The following NFX1 variants were observed in gnomAD, a reference collection of about 807,000 sequenced individuals.
NFX1 encodes nuclear transcription factor, X-box binding 1, also known as transcriptional repressor NF-X1.
In NFX1, 69 loss-of-function variants were observed where a neutral mutation model predicts 137.2. The observed-to-expected ratio is 0.50, with a 90% confidence interval of 0.41 to 0.61. The LOEUF (loss-of-function observed/expected upper bound fraction) is 0.61. NFX1 is among the 20% of genes least tolerant of loss of function. NFX1 has a pLI of 0.00. For missense variants in NFX1, 1,167 were observed against 1,391.0 expected, an observed-to-expected ratio of 0.84 and a Z score of 2.56; for synonymous variants, 495 against 474.1, an observed-to-expected ratio of 1.04 and a Z score of -0.57.
intron 15 of NFX1, chr9:33,347,651 C>T (rs376586763): frequency 1.0e-5 from 4 of 383,224 alleles, no homozygotes; most frequent in Admixed American, 3.1e-5. Flanking sequence ...GTAGATTTAC[C>T]GTTTGATCCA....
chr9:33,294,969 G>T lies in NFX1; in HGVS notation c.575G>T (p.Trp192Leu). 1 of 1,614,142 alleles carries T rather than the reference G, an allele frequency of 6.2e-7. No homozygotes were observed. Among genetic ancestry groups the T allele is most frequent in the African/African-American group, 1.3e-5 (1 of 75,008 alleles). ...PKVKGKLKCE[W>L]SNRTTPKPED... ...GTCAAGGGGAAACTCAAATGTGAAT[G>T]GAGTAACCGAACAACTCCAAAACCG... Residue 192 changes from tryptophan (W) to leucine (L), a missense_variant, in exon 2 of 24, where the codon TGG becomes TTG. By Grantham distance (61) the Trp-to-Leu change is moderately conservative. Coordinates refer to ENST00000379540, the MANE Select transcript of NFX1 (RefSeq NM_002504.6).
chr9:33,366,559 G>T, intron 21 of NFX1, 70 bp from the exon 22 acceptor site: 2 of 1,565,742 alleles, frequency 1.3e-6, no homozygotes, highest in East Asian at 2.2e-5. Flanking sequence ...TTCTTGTGTG[G>T]TAAGATTAGT....
intron 7 of NFX1, among the ~76,000 whole-genome samples, chr9:33,318,001 A>AAAAAT (rs397765712): frequency 1.3e-5 from 2 of 149,658 alleles, no homozygotes; most frequent in African/African-American, 4.9e-5. Context: ...AAAAAAAAAA[A>AAAAAT]TCTTCATTAT....
chr9:33,354,120 G>C lies in NFX1; in HGVS notation c.2764G>C (p.Asp922His). Reference sequence around the variant, plus strand: ...AATCTCCATGGCCTCTAAGATAACAGACATGCAGCTTGGAGGTTCAGTGGA... The same window carrying C: ...AATCTCCATGGCCTCTAAGATAACACACATGCAGCTTGGAGGTTCAGTGGA... The part of the protein sequence containing the change: ...AAISMASKIT[D>H]MQLGGSVEIS... Residue 922 changes from aspartate (D) to histidine (H), a missense_variant, in exon 18 of 24, where the codon GAC becomes CAC. By Grantham distance (81) the Asp-to-His change is moderately conservative. This residue lies in a region of NFX1 where 312 missense variants were observed against 312.8 expected (regional missense o/e 1.00). Transcript: ENST00000379540. 2 of 1,613,110 alleles carry C rather than the reference G, an allele frequency of 1.2e-6. No homozygotes were observed. Among genetic ancestry groups the C allele is most frequent in the African/African-American group, 1.3e-5 (1 of 74,932 alleles).
intron 16 of NFX1, 66 bp from the exon 17 acceptor site, chr9:33,352,580 G>A: frequency 7.3e-7 from 1 of 1,376,956 alleles, no homozygotes. Context: ...GGATTTAAGA[G>A]TGAAAAGTGC....
chr9:33,344,113 C>A lies in NFX1; in HGVS notation c.2269C>A (p.Pro757Thr). 6.2e-7 allele frequency: 1 copy of A among 1,614,014 alleles called. No homozygotes were observed. The highest frequency in any genetic ancestry group is 8.5e-7 in the Non-Finnish European group (1 of 1,179,966). Residue 757 changes from proline to threonine, a missense_variant, in exon 14 of 24, where the codon CCT (proline) becomes ACT (threonine). Physicochemically the swap from Pro to Thr is conservative, Grantham distance 38 (BLOSUM62 -1). Coordinates refer to ENST00000379540, the MANE Select transcript of NFX1 (RefSeq NM_002504.6). The part of the protein sequence containing the change: ...TCHCGASVIY[P>T]PVPCGTRPPE... ...CCATTGTGGTGCATCAGTGATTTACCCTCCAGTTCCCTGTGGTACTAGGCC... is the reference window on the plus strand; with the variant it reads ...CCATTGTGGTGCATCAGTGATTTACACTCCAGTTCCCTGTGGTACTAGGCC...
intron 2 of NFX1, among the ~76,000 whole-genome samples, chr9:33,299,860 A>C (rs776107583): frequency 6.6e-6 from 1 of 152,070 alleles, no homozygotes; most frequent in Non-Finnish European, 1.5e-5. Context: ...GGTGTTCTCT[A>C]TTTCTTTTGA....
At chr9:33,331,694 CTT>C (rs35980358) in intron 10 of NFX1, among the ~76,000 whole-genome samples, 5 of 132,792 alleles carry the variant, frequency 3.8e-5, no homozygotes, top group Admixed American at 7.6e-5. Flanking sequence ...TCAGTAGCTG[CTT>C]TTTTTTTTTT....
At chr9:33,353,934 C>T (rs1347066016) in intron 17 of NFX1, 152 bp from the exon 18 acceptor site, 5 of 598,138 alleles carry the variant, frequency 8.4e-6, no homozygotes, top group African/African-American at 1.9e-5. Context: ...AGGTGATCCA[C>T]CTGCCTTGGT....
Position 33,344,062 on chromosome 9 carries a change from C to CGGTG in NFX1, c.2225-7_2225-6insGGTG. ...GGATTCTTTTGTTTTACCTGCTGCT[C>CGGTG]CACCAGGTTTTGATGAATTAACCTG... On this transcript the variant is annotated splice_polypyrimidine_tract_variant and splice_region_variant and intron_variant, in intron 13 of 23. Transcript: ENST00000379540. The CGGTG allele has an allele frequency of 6.2e-7, 1 of 1,613,814 alleles. No individual in the cohort carries two copies.
rs1316774433 is a variant in NFX1, at chr9:33,318,892, A to T, written c.1689-18A>T. On this transcript the variant is annotated intron_variant, in intron 8 of 23. Transcript: ENST00000379540. ...GCACTTTATGCAACAATTATGTAAT[A>T]GTGTGTTTTCTTAACAGGGACTTGA... The T allele has an allele frequency of 6.2e-7, 1 of 1,614,204 alleles. No homozygotes were observed. The highest frequency in any genetic ancestry group is 8.5e-7 in the Non-Finnish European group (1 of 1,179,988).
intron 9 of NFX1, 123 bp downstream of exon 9, chr9:33,319,250 C>T: frequency 1.2e-6 from 1 of 800,154 alleles, no homozygotes; most frequent in Non-Finnish European, 2.0e-6. Context: ...ATATTATGAT[C>T]ATATTTATGT....
At position 33,311,099 on chromosome 9, in the gene NFX1, C is replaced by T; in HGVS notation, c.1377-7C>T. On this transcript the variant is annotated splice_polypyrimidine_tract_variant and splice_region_variant and intron_variant, in intron 5 of 23. Transcript: ENST00000379540. Reference sequence around the variant, plus strand: ...GTGGTTTATTCAGTGAAACCTTTCTCTTTCAGTCTCTGCCATCCAGGACCC... The same window carrying T: ...GTGGTTTATTCAGTGAAACCTTTCTTTTTCAGTCTCTGCCATCCAGGACCC... 1 of 1,614,052 alleles carries T rather than the reference C, an allele frequency of 6.2e-7. No homozygotes were observed. Among genetic ancestry groups the T allele is most frequent in the South Asian group, 1.1e-5 (1 of 91,076 alleles).
In NFX1 at chr9:33,295,127, A is replaced by T. The variant is rs1356804475; in HGVS notation, c.733A>T (p.Arg245Trp). Reference protein sequence around the residue: ...RNEQRRYPQKRPPWEVEGARP... With the variant: ...RNEQRRYPQKWPPWEVEGARP... ...TGAGCAGAGAAGATACCCACAGAAAAGGCCTCCCTGGGAAGTGGAGGGGGC... is the reference window on the plus strand; with the variant it reads ...TGAGCAGAGAAGATACCCACAGAAATGGCCTCCCTGGGAAGTGGAGGGGGC... The change falls in exon 2 of 24, where the codon AGG becomes TGG. Residue 245 changes from arginine to tryptophan, a missense_variant. Arg to Trp is a moderately radical substitution (Grantham distance 101). Coordinates refer to ENST00000379540, the MANE Select transcript of NFX1 (RefSeq NM_002504.6). 6.2e-7 allele frequency: 1 copy of T among 1,614,104 alleles called. No homozygotes were observed. Among genetic ancestry groups the T allele is most frequent in the East Asian group, 2.2e-5 (1 of 44,872 alleles).
At position 33,355,485 on chromosome 9, in the gene NFX1, T is replaced by A. The variant is rs182527068; in HGVS notation, c.2873+593T>A. Among the ~76,000 whole-genome samples the A allele has an allele frequency of 5.9e-5, 9 of 152,346 alleles. No individual in the cohort carries two copies. The East Asian group carries it at 1.7e-3, about 29-fold the overall frequency. ...TTGTCTGGCTTCTTTCGTTATATTT[T>A]TGTGACATTCACTCCTGTTGTTGCA... On this transcript the variant is annotated intron_variant, in intron 19 of 23. Transcript: ENST00000379540.
chr9:33,312,724 G>C (rs1394538935), intron 6 of NFX1, among the ~76,000 whole-genome samples: 2 of 152,140 alleles, frequency 1.3e-5, no homozygotes, highest in Non-Finnish European at 2.9e-5. Flanking sequence ...TACAAAAATT[G>C]GCTGGGTGTG....
rs781670847 is a variant in NFX1 at position 33,301,288 on chromosome 9, A to G, written c.1059A>G (p.Thr353=). Residue 353 remains threonine (T), a synonymous_variant, in exon 3 of 24, where the codon ACA becomes ACG. Transcript: ENST00000379540. Reference sequence around the variant, plus strand: ...GTTCTCTAATTGAACAACTAACAACAGAAAAATACGAGTGCATGGTGTGCT... The same window carrying G: ...GTTCTCTAATTGAACAACTAACAACGGAAAAATACGAGTGCATGGTGTGCT... ...HTGSLIEQLT[T]EKYECMVCCE... 1 of 1,613,930 alleles carries G rather than the reference A, an allele frequency of 6.2e-7. No homozygotes were observed. The highest frequency in any genetic ancestry group is 2.2e-5 in the East Asian group (1 of 44,896).
chr9:33,322,597 A>G (rs1822426966), intron 9 of NFX1, among the ~76,000 whole-genome samples: 1 of 152,140 alleles, frequency 6.6e-6, no homozygotes. Flanking sequence ...GCAGCAGAAT[A>G]CTGGAGCCCT....
chr9:33,303,983 T>C (rs895356026), intron 4 of NFX1, among the ~76,000 whole-genome samples: 4 of 152,210 alleles, frequency 2.6e-5, no homozygotes, highest in African/African-American at 9.7e-5. Flanking sequence ...AAATTACCAA[T>C]GGGCCGGGCT....
Sources: gnomAD v4.1 joint callset for allele counts (sites outside exome capture counted in the v4.1 genomes callset) on GRCh38, gnomAD v4.1.1 for gene constraint, gnomAD v4.1.1 regional missense constraint, MANE v1.5 for transcripts, NCBI Gene and HGNC (gene_info 2026-07-23, HGNC 2026-07-21) for gene names.